HGD: variants seen among roughly 807,000 people sequenced by gnomAD.
HGD encodes the protein homogentisate 1,2-dioxygenase, also known as homogentisate oxidase.
Under a neutral mutation model 60.8 loss-of-function variants are expected in HGD, and 61 were observed. That is an observed-to-expected ratio of 1.00 (90% CI 0.82 to 1.24). The LOEUF (loss-of-function observed/expected upper bound fraction) is 1.24. HGD is among the 50% of genes most tolerant of loss of function. The pLI, the probability that HGD is intolerant of heterozygous loss-of-function variation, is 0.00. For synonymous variants in HGD, 212 were observed against 187.7 expected, an observed-to-expected ratio of 1.13 and a Z score of -1.06; for missense variants, 542 against 547.1, an observed-to-expected ratio of 0.99 and a Z score of 0.09.
chr3:120,644,627 G>GA (rs147884582), intron 9 of HGD, 184 bp from the exon 10 acceptor site: 2 of 1,528,538 alleles, frequency 1.3e-6, no homozygotes, highest in East Asian at 5.0e-5. Context: ...AATCTGGTCA[G>GA]AAAAAAATTC....
chr3:120,657,781 G>T (rs1256284271), intron 4 of HGD, among the ~76,000 whole-genome samples: 2 of 151,840 alleles, frequency 1.3e-5, no homozygotes, highest in African/African-American at 4.8e-5. Context: ...AGAAGGTGAA[G>T]CAGGAGAAGG....
Position 120,646,333 on chromosome 3 carries a change from C to A in HGD, c.583G>T (p.Glu195Ter), listed in dbSNP as rs1184695718. The stretch of plus-strand genomic sequence containing the variant: ...ACCTCCAAGATGTAGCCCCTGGTCT[C>A]CTCAAAGACATCTATGCTGAACCGC... ...GMRFSIDVFE[E>*]TRGYILEVYG... Residue 195 changes from glutamate to a stop codon, truncating the protein, a stop_gained, in exon 9 of 14, where the codon GAG becomes TAG. Transcript: ENST00000283871. LOFTEE classifies it high-confidence loss of function. The A allele has an allele frequency of 6.2e-7, 1 of 1,613,588 alleles. No homozygotes were observed. The highest frequency in any genetic ancestry group is 2.2e-5 in the East Asian group (1 of 44,876).
chr3:120,644,735 A>G, intron 9 of HGD: 1 of 740,682 alleles, frequency 1.4e-6, no homozygotes, highest in South Asian at 1.7e-5. Context: ...GGGGAAGGGA[A>G]GAGAGAAAGA....
At chr3:120,651,013 T>C in intron 5 of HGD, 148 bp from the exon 6 acceptor site, 1 of 738,364 alleles carries the variant, frequency 1.4e-6, no homozygotes, top group Non-Finnish European at 2.5e-6. Context: ...AGGCAGCCTC[T>C]AAGGAGCCTG....
Position 120,638,486 on chromosome 3 carries a change from A to G in HGD, c.975T>C (p.Ala325=). 1 of 1,614,014 alleles carries G rather than the reference A, an allele frequency of 6.2e-7. No individual in the cohort carries two copies. Among genetic ancestry groups the G allele is most frequent in the South Asian group, 1.1e-5 (1 of 91,080 alleles). Residue 325 remains alanine, a synonymous_variant, in exon 12 of 14, where the codon GCT becomes GCC. Coordinates refer to ENST00000283871, the MANE Select transcript of HGD (RefSeq NM_000187.4). ...AATAAGGAGGCCTGAAGGTCTTATC[A>G]GCAACCCCCCATCGAGGTGGGAAGA... ...FVIFPPRWGV[A]DKTFRPPYYH...
Position 120,644,309 on chromosome 3 carries a change from T to C in HGD, c.774+10A>G. On this transcript the variant is annotated intron_variant, in intron 10 of 13. Coordinates refer to ENST00000283871, the MANE Select transcript of HGD (RefSeq NM_000187.4). ...ATTTCCTCCCTTGCCTGCCAACCCT[T>C]TTACTTTACCTGTTTGGCAGCAAAC... is the stretch of plus-strand genomic sequence containing the variant. The C allele has an allele frequency of 6.2e-7, 1 of 1,612,586 alleles. No homozygotes were observed. The highest frequency in any genetic ancestry group is 1.1e-5 in the South Asian group (1 of 91,070).
intron 1 of HGD, 48 bp downstream of exon 1, chr3:120,682,049 A>T: frequency 6.3e-7 from 1 of 1,590,146 alleles, no homozygotes; most frequent in East Asian, 2.2e-5. Flanking sequence ...AAACTTCCAT[A>T]AATTTTGGCT....
Position 120,652,563 on chromosome 3 carries a change from T to A in HGD, c.342+29A>T, listed in dbSNP as rs778464695. On this transcript the variant is annotated intron_variant, in intron 5 of 13. Coordinates refer to ENST00000283871, the MANE Select transcript of HGD (RefSeq NM_000187.4). ...CTCACCACAGAAGAGAGGAGAGCAG[T>A]AGGGAGGGTGTGGATGGGACTGACT... is the stretch of plus-strand genomic sequence containing the variant. 36 of 1,540,740 alleles carry A rather than the reference T, an allele frequency of 2.3e-5. No homozygotes were observed. The Middle Eastern group carries it at 6.7e-4, about 29-fold the overall frequency.
At chr3:120,653,062 T>G (rs1044702763) in intron 4 of HGD, among the ~76,000 whole-genome samples, 2 of 152,202 alleles carry the variant, frequency 1.3e-5, no homozygotes, top group Non-Finnish European at 2.9e-5. Flanking sequence ...AGCCTCCCTG[T>G]GTGGGCTCCT....
intron 4 of HGD, among the ~76,000 whole-genome samples, chr3:120,664,551 C>T (rs1201627394): frequency 6.6e-6 from 1 of 151,616 alleles, no homozygotes; most frequent in African/African-American, 2.4e-5. Context: ...CCTCAGCCTC[C>T]TGAGTGCCTG....
chr3:120,676,630 G>A (rs143133745), intron 1 of HGD, among the ~76,000 whole-genome samples: 13 of 152,190 alleles, frequency 8.5e-5, no homozygotes, highest in South Asian at 2.1e-4. Context: ...GAAATTTGTC[G>A]ATTGATTGAA....
intron 10 of HGD, among the ~76,000 whole-genome samples, chr3:120,642,032 T>C (rs1053383728): frequency 6.6e-6 from 1 of 152,200 alleles, no homozygotes; most frequent in African/African-American, 2.4e-5. Flanking sequence ...TCAAACAATC[T>C]GGGCTACCTT....
chr3:120,638,620 G>A, intron 11 of HGD, 39 bp from the exon 12 acceptor site: 1 of 1,612,354 alleles, frequency 6.2e-7, no homozygotes, highest in Non-Finnish European at 8.5e-7. Flanking sequence ...CATGATGCAA[G>A]GGAAGTGACT....
chr3:120,659,944 G>A (rs143634896), intron 4 of HGD, among the ~76,000 whole-genome samples: 1,539 of 151,472 alleles, frequency 0.01, 40 homozygotes, highest in East Asian at 0.041. Flanking sequence ...AAGAGAGAGT[G>A]GGGGGTGGTT....
At chr3:120,673,063 C>T (rs1489479052) in intron 3 of HGD, among the ~76,000 whole-genome samples, 1 of 152,096 alleles carries the variant, frequency 6.6e-6, no homozygotes, top group African/African-American at 2.4e-5. Context: ...TCAGGCTGGC[C>T]TACTTATGGA....
intron 9 of HGD, 61 bp from the exon 10 acceptor site, chr3:120,644,504 G>A (rs576109490): frequency 1.2e-4 from 190 of 1,611,520 alleles, no homozygotes; most frequent in Non-Finnish European, 1.4e-4. Flanking sequence ...AGATGCCCAT[G>A]GTTGCATGAA....
chr3:120,666,516 C>G (rs528819409), intron 4 of HGD, among the ~76,000 whole-genome samples: 1 of 152,152 alleles, frequency 6.6e-6, no homozygotes, highest in Admixed American at 6.5e-5. Context: ...GAGTTTTGCT[C>G]TTGTTGCCCA....
At position 120,638,401 on chromosome 3, in the gene HGD, C is replaced by T. The variant is rs528496845; in HGVS notation, c.1006+54G>A. On this transcript the variant is annotated intron_variant, in intron 12 of 13. Transcript: ENST00000283871. Reference sequence around the variant, plus strand: ...CATTATTCCCAATGTGTAGCGCTCACTGCTTTGTTGTCTCTTTGGCTTGCA... The same window carrying T: ...CATTATTCCCAATGTGTAGCGCTCATTGCTTTGTTGTCTCTTTGGCTTGCA... 8.7e-6 allele frequency: 14 copies of T among 1,610,028 alleles called. No homozygotes were observed. In the African/African-American group the frequency reaches 1.6e-4, roughly 18 times the overall value.
intron 4 of HGD, among the ~76,000 whole-genome samples, chr3:120,659,882 T>C (rs979886107): frequency 1.4e-5 from 2 of 147,750 alleles, no homozygotes; most frequent in Admixed American, 7.1e-5. Context: ...TTTTCAATCA[T>C]GGCAGAAGGC....
Sources: gnomAD v4.1 joint callset for allele counts (sites outside exome capture counted in the v4.1 genomes callset) on GRCh38, gnomAD v4.1.1 for gene constraint, MANE v1.5 for transcripts, NCBI Gene and HGNC (gene_info 2026-07-23, HGNC 2026-07-21) for gene names.